Variants in RPL9 observed in about 807,000 individuals in gnomAD.
RPL9 encodes the protein ribosomal protein L9.
For synonymous variants in RPL9, 82 were observed against 77.1 expected (o/e 1.06, Z -0.33); for missense variants, 149 against 236.7 (o/e 0.63, Z 2.43).
intron 7 of RPL9, 34 bp from the exon 8 acceptor site, chr4:39,454,259 A>C: frequency 4.1e-6 from 1 of 245,856 alleles, no homozygotes. Flanking sequence ...GTAAATCCCC[A>C]TCAATACACT....
intron 4 of RPL9, chr4:39,456,844 C>A: frequency 3.8e-6 from 1 of 260,094 alleles, no homozygotes; most frequent in Non-Finnish European, 7.4e-6. Flanking sequence ...TACTAAGGTA[C>A]AGCACATGGC....
Position 39,456,683 on chromosome 4 carries a change from A to G in RPL9, c.259-145T>C, listed in dbSNP as rs181500773. 478 of 867,662 alleles carry G rather than the reference A, an allele frequency of 5.5e-4. 5 individuals are homozygous for G. Among genetic ancestry groups the G allele is most frequent in the Non-Finnish European group, 2.8e-5 (16 of 565,646 alleles). The allele number at this position is 867,662 out of a possible 1,614,324, so 53.7% of individuals were successfully genotyped here. Reference sequence around the variant, plus strand: ...ATAACTGTCACCTGAACCAAGCCTTATAAACATTGTTCTGTCTATTCAGTG... The same window carrying G: ...ATAACTGTCACCTGAACCAAGCCTTGTAAACATTGTTCTGTCTATTCAGTG... On this transcript the variant is annotated intron_variant, in intron 4 of 7. Coordinates refer to ENST00000295955, the MANE Select transcript of RPL9 (RefSeq NM_000661.5).
intron 7 of RPL9, 53 bp from the exon 8 acceptor site, chr4:39,454,278 A>G (rs1284273413): frequency 3.5e-6 from 1 of 289,410 alleles, no homozygotes; most frequent in African/African-American, 2.2e-5. Context: ...CTTGCCCAGG[A>G]AAGTACTAAT....
chr4:39,457,955 A>C, intron 3 of RPL9: 1 of 648,380 alleles, frequency 1.5e-6, no homozygotes, highest in Non-Finnish European at 2.8e-6. Flanking sequence ...AAAATAAACC[A>C]AACTTCTAAC....
chr4:39,454,719 G>A, intron 6 of RPL9, 70 bp from the exon 7 acceptor site: 1 of 1,466,360 alleles, frequency 6.8e-7, no homozygotes, highest in Non-Finnish European at 9.3e-7. Context: ...ATTTCATTAT[G>A]TGCTGTACTT....
In RPL9 at chr4:39,458,454, A is replaced by G; in HGVS notation, c.-1-14T>C. On this transcript the variant is annotated splice_polypyrimidine_tract_variant and intron_variant, in intron 1 of 7. Coordinates refer to ENST00000295955, the MANE Select transcript of RPL9 (RefSeq NM_000661.5). ...ATAGTCTTCATTCTGAAACACAAAC[A>G]CTGGGGGTGAGGCCGACGCAAGGCC... is the stretch of plus-strand genomic sequence containing the variant. 1 of 1,613,884 alleles carries G rather than the reference A, an allele frequency of 6.2e-7. No individual in the cohort carries two copies. Among genetic ancestry groups the G allele is most frequent in the Non-Finnish European group, 8.5e-7 (1 of 1,179,794 alleles).
Position 39,456,907 on chromosome 4 carries a change from A to C in RPL9, c.259-369T>G, listed in dbSNP as rs1411018485. 2.9e-5 allele frequency: 6 copies of C among 206,624 alleles called. No homozygotes were observed. The Admixed American group carries it at 3.2e-4, about 11-fold the overall frequency. 12.8% of individuals were successfully genotyped at this position (206,624 alleles called of 1,614,324 possible). A position where few individuals can be genotyped will look rare whatever the true frequency, so the allele number is the denominator to read the frequency against. On this transcript the variant is annotated intron_variant, in intron 4 of 7. Coordinates refer to ENST00000295955, the MANE Select transcript of RPL9 (RefSeq NM_000661.5). Reference sequence around the variant, plus strand: ...AGGCCCCCTGCCTTCAAGGAACTTAAGGCTAAGAGCAAGGGTAGATGGGGG... The same window carrying C: ...AGGCCCCCTGCCTTCAAGGAACTTACGGCTAAGAGCAAGGGTAGATGGGGG...
intron 5 of RPL9, chr4:39,456,141 T>C: frequency 2.2e-6 from 1 of 463,778 alleles, no homozygotes; most frequent in South Asian, 2.1e-5. Context: ...TTTTAAAAGA[T>C]TTCATTTGCC....
intron 5 of RPL9, 152 bp downstream of exon 5, chr4:39,456,254 G>A (rs1270765685): frequency 1.1e-5 from 9 of 818,378 alleles, no homozygotes; most frequent in Admixed American, 4.1e-5. Flanking sequence ...AACAGTTTAA[G>A]TGTAATCAAG....
At chr4:39,454,989 A>G (rs577923620) in intron 5 of RPL9, 45 bp from the exon 6 acceptor site, 61 of 1,536,552 alleles carry the variant, frequency 4.0e-5, no homozygotes. Flanking sequence ...TCTGTGTAAA[A>G]AATATTTAAA....
Position 39,456,466 on chromosome 4 carries a change from G to A in RPL9, c.331C>T (p.Leu111Phe). The stretch of plus-strand genomic sequence containing the variant: ...CCCAAGAAATTTCGGATTTCAACAA[G>A]AGACCCATTCTCCTGGATAACAACG... ...INVVIQENGS[L>F]VEIRNFLGEK... The change falls in exon 5 of 8, where the codon CTT becomes TTT. Residue 111 changes from leucine (L) to phenylalanine (F), a missense_variant. Physicochemically the swap from Leu to Phe is conservative, Grantham distance 22 (BLOSUM62 0). Coordinates refer to ENST00000295955, the MANE Select transcript of RPL9 (RefSeq NM_000661.5). 6.2e-7 allele frequency: 1 copy of A among 1,614,122 alleles called. No individual in the cohort carries two copies. Among genetic ancestry groups the A allele is most frequent in the Non-Finnish European group, 8.5e-7 (1 of 1,179,982 alleles).
chr4:39,457,636 C>T lies in RPL9; in HGVS notation c.208G>A (p.Val70Ile). 2 of 1,614,152 alleles carry T rather than the reference C, an allele frequency of 1.2e-6. No homozygotes were observed. The highest frequency in any genetic ancestry group is 1.7e-6 in the Non-Finnish European group (2 of 1,180,016). Residue 70 changes from valine to isoleucine, a missense_variant, in exon 4 of 8, where the codon GTT becomes ATT. Physicochemically the swap from Val to Ile is conservative, Grantham distance 29 (BLOSUM62 3). Transcript: ENST00000295955. ...TGTACATGACTACAAATAGTCCGAA[C>T]GGTAGCCAGTTCCTTTCTGTTACCC... Reference protein sequence around the residue: ...WWGNRKELATVRTICSHVQNM... With the variant: ...WWGNRKELATIRTICSHVQNM...
At chr4:39,457,162 C>T (rs1364552753) in intron 4 of RPL9, 1 of 162,998 alleles carries the variant, frequency 6.1e-6, no homozygotes, top group Non-Finnish European at 1.3e-5. Context: ...CCAACTAGTA[C>T]TGCAACTGTA....
At chr4:39,456,635 ACACT>A in intron 4 of RPL9, 97 bp from the exon 5 acceptor site, 3 of 1,319,764 alleles carry the variant, frequency 2.3e-6, no homozygotes, top group Non-Finnish European at 3.1e-6. Context: ...TTAAAACGTA[ACACT>A]CACTGCCAAG....
intron 5 of RPL9, chr4:39,456,190 A>C (rs1744078374): frequency 3.5e-6 from 2 of 578,310 alleles, no homozygotes; most frequent in South Asian, 3.9e-5. Context: ...ACTCCAATGT[A>C]TCAACTTTCT....
intron 1 of RPL9, 32 bp from the exon 2 acceptor site, chr4:39,458,472 G>C (rs534121342): frequency 3.7e-6 from 6 of 1,610,978 alleles, no homozygotes; most frequent in Non-Finnish European, 5.1e-6. Flanking sequence ...TGAGGCCGAC[G>C]CAAGGCCCGT....
chr4:39,454,681 T>C (rs1578222074), intron 6 of RPL9, 32 bp from the exon 7 acceptor site: 1 of 1,577,202 alleles, frequency 6.3e-7, no homozygotes, highest in East Asian at 2.2e-5. Context: ...AATTAATACA[T>C]CAGCCTAACC....
At chr4:39,457,906 A>G (rs878952633) in intron 3 of RPL9, 1 of 624,108 alleles carries the variant, frequency 1.6e-6, no homozygotes, top group South Asian at 1.9e-5. Flanking sequence ...TAAATGACCT[A>G]CTGCCGGTTC....
rs1744027075 is a variant in RPL9, at chr4:39,454,935, C to A, written c.401G>T (p.Cys134Phe). The change falls in exon 6 of 8, where the codon TGT becomes TTT. Residue 134 changes from cysteine to phenylalanine, a missense_variant. By Grantham distance (205) the Cys-to-Phe change is radical. Transcript: ENST00000295955. ...ATCTTTCTGGGCTTGAGATACTGAA[C>A]AAGCAACACCTAAAAGGGGAGAGGG... ...RRVRMRPGVACSVSQAQKDEL... is the reference protein window; with the variant it reads ...RRVRMRPGVAFSVSQAQKDEL... 4 of 1,613,414 alleles carry A rather than the reference C, an allele frequency of 2.5e-6. No individual in the cohort carries two copies. The East Asian group carries it at 8.9e-5, about 36-fold the overall frequency.
Sources: allele counts gnomAD v4.1 joint callset, GRCh38; gene constraint gnomAD v4.1.1; transcripts MANE v1.5; gene names NCBI Gene and HGNC (gene_info 2026-07-23, HGNC 2026-07-21).